The following BLTP1 variants were observed in gnomAD, a reference collection of about 807,000 sequenced individuals.
BLTP1 encodes the protein fragile site-associated protein.
chr4:122,299,597 G>A, the BLTP1 span, among the ~76,000 whole-genome samples: 1 of 152,190 alleles, frequency 6.6e-6, no homozygotes, highest in Admixed American at 6.5e-5. Context: ...TGCAAATGAA[G>A]TTAGAGAATC....
chr4:122,153,160 T>G, the BLTP1 span: 2 of 56,478 alleles, frequency 3.5e-5, no homozygotes, highest in Admixed American at 3.3e-4. Flanking sequence ...GTTGTTGTCG[T>G]TTTTTTTTTT....
chr4:122,302,337 C>A, the BLTP1 span: 1 of 735,486 alleles, frequency 1.4e-6, no homozygotes, highest in Non-Finnish European at 1.7e-6. Flanking sequence ...TTGTGTTTCA[C>A]AGGTATTGAG....
the BLTP1 span, chr4:122,331,510 C>G: frequency 1.2e-6 from 2 of 1,611,252 alleles, no homozygotes; most frequent in Non-Finnish European, 1.7e-6. Flanking sequence ...AACCACCCTT[C>G]TACAAGAACA....
At chr4:122,286,868 A>G in the BLTP1 span, 12 of 1,151,154 alleles carry the variant, frequency 1.0e-5, no homozygotes, top group Non-Finnish European at 1.5e-5. Context: ...TAGTAATCCA[A>G]ACTTTTAAGG....
At chr4:122,280,702 A>C in the BLTP1 span, among the ~76,000 whole-genome samples, 1 of 151,980 alleles carries the variant, frequency 6.6e-6, no homozygotes, top group Non-Finnish European at 1.5e-5. Context: ...AAAAGGTTAA[A>C]AATTTGTCTT....
the BLTP1 span, among the ~76,000 whole-genome samples, chr4:122,253,418 A>G: frequency 6.2e-4 from 94 of 152,168 alleles, no homozygotes; most frequent in Non-Finnish European, 3.7e-4. Flanking sequence ...TAACACAGAG[A>G]AGGGATTCAG....
chr4:122,257,470 T>A, the BLTP1 span: 2 of 1,614,100 alleles, frequency 1.2e-6, no homozygotes, highest in Non-Finnish European at 1.7e-6. Flanking sequence ...CCAGTGCTGA[T>A]GGAGCAGAAT....
the BLTP1 span, chr4:122,249,766 C>T: frequency 6.5e-7 from 1 of 1,539,396 alleles, no homozygotes; most frequent in South Asian, 1.2e-5. Context: ...TCATGGCTTT[C>T]AGTAACCTGA....
the BLTP1 span, among the ~76,000 whole-genome samples, chr4:122,168,585 T>TA: frequency 1.3e-3 from 201 of 149,300 alleles, no homozygotes; most frequent in Middle Eastern, 3.5e-3. Context: ...TTTTTAAAGT[T>TA]AAAAAAAAAA....
chr4:122,342,174 C>T, the BLTP1 span, among the ~76,000 whole-genome samples: 2 of 151,938 alleles, frequency 1.3e-5, no homozygotes, highest in Non-Finnish European at 2.9e-5. Context: ...GCAGTCCAGG[C>T]AGAGTTAATA....
the BLTP1 span, chr4:122,171,799 G>T: frequency 1.7e-4 from 164 of 983,810 alleles, 1 homozygote; most frequent in African/African-American, 2.7e-3. Flanking sequence ...CTTTCTTTAA[G>T]AAAAAAACAA....
the BLTP1 span, chr4:122,175,279 A>G: frequency 1.0e-6 from 1 of 984,286 alleles, no homozygotes; most frequent in Non-Finnish European, 1.2e-6. Context: ...ATACTAGTCT[A>G]AAATTATTTC....
the BLTP1 span, chr4:122,312,880 C>T: frequency 3.2e-5 from 27 of 856,580 alleles, no homozygotes; most frequent in South Asian, 1.3e-3. Context: ...GATATATGTA[C>T]TCTGGAGTTT....
At chr4:122,165,545 G>A in the BLTP1 span, among the ~76,000 whole-genome samples, 9 of 128,752 alleles carry the variant, frequency 7.0e-5, 2 homozygotes, top group Non-Finnish European at 1.2e-4. Context: ...GTGTGCATGC[G>A]TCTTTATAGC....
the BLTP1 span, chr4:122,263,317 TGA>T: frequency 7.0e-7 from 1 of 1,418,768 alleles, no homozygotes; most frequent in Non-Finnish European, 9.1e-7. Context: ...CATTATGCAG[TGA>T]GAATTCAAAA....
chr4:122,284,785 A>G, the BLTP1 span, among the ~76,000 whole-genome samples: 32 of 152,166 alleles, frequency 2.1e-4, no homozygotes, highest in African/African-American at 7.0e-4. Flanking sequence ...GTTGTGCCTG[A>G]TTTATAAATT....
At chr4:122,183,787 A>G in the BLTP1 span, among the ~76,000 whole-genome samples, 1 of 152,024 alleles carries the variant, frequency 6.6e-6, no homozygotes, top group East Asian at 1.9e-4. Context: ...AGCATGGGAT[A>G]TTAGTTCAAA....
chr4:122,257,460 C>T, the BLTP1 span: 1 of 1,614,008 alleles, frequency 6.2e-7, no homozygotes, highest in Non-Finnish European at 8.5e-7. Context: ...CAAAGTGATA[C>T]CAGTGCTGAT....
the BLTP1 span, among the ~76,000 whole-genome samples, chr4:122,351,775 C>T: frequency 6.6e-6 from 1 of 152,026 alleles, no homozygotes; most frequent in African/African-American, 2.4e-5. Flanking sequence ...CTGCAAAATG[C>T]CTGGCCTGGA....
Sources: allele counts gnomAD v4.1 joint callset (sites outside exome capture counted in the v4.1 genomes callset), GRCh38; gene constraint gnomAD v4.1.1; transcripts MANE v1.5; gene names NCBI Gene and HGNC (gene_info 2026-07-23, HGNC 2026-07-21).